SPMIP11: variants seen among roughly 807,000 people sequenced by gnomAD.
SPMIP11 encodes sperm microtubule inner protein 11, also known as long intergenic non-protein coding RNA 935.
the SPMIP11 span, among the ~76,000 whole-genome samples, chr12:48,744,414 A>T: frequency 1.3e-5 from 2 of 151,586 alleles, no homozygotes; most frequent in Admixed American, 6.6e-5. Flanking sequence ...TTCCAAAAAT[A>T]AACAAACAAA....
At chr12:48,739,900 G>A in the SPMIP11 span, among the ~76,000 whole-genome samples, 2 of 152,110 alleles carry the variant, frequency 1.3e-5, no homozygotes, top group Admixed American at 1.3e-4. Context: ...AGATGAATTA[G>A]CTCAATTCTA....
At chr12:48,770,393 A>C in the SPMIP11 span, among the ~76,000 whole-genome samples, 1 of 152,102 alleles carries the variant, frequency 6.6e-6, no homozygotes, top group Non-Finnish European at 1.5e-5. Flanking sequence ...AGTTCATTTG[A>C]GAGGAAATAC....
chr12:48,762,271 A>G, the SPMIP11 span, among the ~76,000 whole-genome samples: 3 of 144,510 alleles, frequency 2.1e-5, no homozygotes, highest in East Asian at 4.2e-4. Flanking sequence ...TGTTAGCTAG[A>G]ATGGTCTCGA....
At chr12:48,743,464 A>G in the SPMIP11 span, among the ~76,000 whole-genome samples, 1 of 152,184 alleles carries the variant, frequency 6.6e-6, no homozygotes, top group Admixed American at 6.6e-5. Context: ...ACTAGCATAA[A>G]TTGTCGGGAG....
chr12:48,758,433 C>T, the SPMIP11 span, among the ~76,000 whole-genome samples: 1 of 152,334 alleles, frequency 6.6e-6, no homozygotes, highest in East Asian at 1.9e-4. Flanking sequence ...TAGCGGATAA[C>T]TTTATATGGC....
chr12:48,727,685 A>G, the SPMIP11 span: 2 of 613,414 alleles, frequency 3.3e-6, no homozygotes, highest in Non-Finnish European at 5.9e-6. Context: ...CAACAGTTAC[A>G]CTAGTTAAAA....
chr12:48,750,338 A>G, the SPMIP11 span, among the ~76,000 whole-genome samples: 7 of 152,274 alleles, frequency 4.6e-5, no homozygotes, highest in Middle Eastern at 3.4e-3. Context: ...GAGCAACAGA[A>G]TGAGACTCTC....
At chr12:48,771,031 A>G in the SPMIP11 span, 1 of 1,548,860 alleles carries the variant, frequency 6.5e-7, no homozygotes, top group Non-Finnish European at 8.8e-7. The surrounding 1 kb of genome is among the most constrained non-coding windows in gnomAD (Gnocchi z 4.3). Flanking sequence ...CCCTGCCCCA[A>G]CACTCATTTC....
chr12:48,753,686 T>A, the SPMIP11 span, among the ~76,000 whole-genome samples: 19 of 147,992 alleles, frequency 1.3e-4, no homozygotes, highest in African/African-American at 4.8e-4. Flanking sequence ...CTTTACTTTT[T>A]TTTTTCTTTT....
chr12:48,729,519 G>A, the SPMIP11 span, among the ~76,000 whole-genome samples: 1 of 150,210 alleles, frequency 6.7e-6, no homozygotes, highest in South Asian at 2.1e-4. Flanking sequence ...AGGTAACAGA[G>A]TGAGACTCCA....
chr12:48,768,517 G>A, the SPMIP11 span: 12 of 1,607,766 alleles, frequency 7.5e-6, no homozygotes, highest in African/African-American at 1.5e-4. Flanking sequence ...CCCTGCCACA[G>A]CTCCACCCAG....
the SPMIP11 span, among the ~76,000 whole-genome samples, chr12:48,739,634 G>A: frequency 6.6e-6 from 1 of 152,130 alleles, no homozygotes; most frequent in African/African-American, 2.4e-5. Flanking sequence ...AAGCAGGCAT[G>A]TCCTACGTGA....
At chr12:48,763,174 A>G in the SPMIP11 span, among the ~76,000 whole-genome samples, 2 of 151,698 alleles carry the variant, frequency 1.3e-5, no homozygotes, top group African/African-American at 4.8e-5. Flanking sequence ...ACATTTTTCC[A>G]TTTTTATCTA....
chr12:48,746,092 T>C, the SPMIP11 span, among the ~76,000 whole-genome samples: 1 of 151,686 alleles, frequency 6.6e-6, no homozygotes, highest in Non-Finnish European at 1.5e-5. Context: ...AACTAGTAAA[T>C]AAATAAACAA....
At chr12:48,743,851 G>A in the SPMIP11 span, among the ~76,000 whole-genome samples, 1 of 139,980 alleles carries the variant, frequency 7.1e-6, no homozygotes, top group Admixed American at 7.7e-5. Flanking sequence ...AGAATCACTT[G>A]AACCCGGGAG....
the SPMIP11 span, among the ~76,000 whole-genome samples, chr12:48,750,602 G>A: frequency 6.6e-6 from 1 of 152,118 alleles, no homozygotes; most frequent in African/African-American, 2.4e-5. Flanking sequence ...CCTCAGAACT[G>A]GTTTGGGAAA....
chr12:48,764,881 C>T, the SPMIP11 span: 1 of 702,966 alleles, frequency 1.4e-6, no homozygotes, highest in South Asian at 1.5e-5. Flanking sequence ...ATCCCCTTGA[C>T]TGATGCTCAG....
the SPMIP11 span, among the ~76,000 whole-genome samples, chr12:48,745,098 G>A: frequency 1.3e-5 from 2 of 151,902 alleles, no homozygotes; most frequent in Non-Finnish European, 2.9e-5. Flanking sequence ...GTGAAACCCC[G>A]TCTCTACTAA....
chr12:48,761,595 G>C, the SPMIP11 span, among the ~76,000 whole-genome samples: 1 of 141,988 alleles, frequency 7.0e-6, no homozygotes. Context: ...CTGGGCAACA[G>C]AGCAAGACCC....
Sources: allele counts gnomAD v4.1 joint callset (sites outside exome capture counted in the v4.1 genomes callset), GRCh38; gene constraint gnomAD v4.1.1; non-coding constraint Gnocchi (gnomAD v3.1); transcripts MANE v1.5; gene names NCBI Gene and HGNC (gene_info 2026-07-23, HGNC 2026-07-21).